Variants in GALNT1 observed in about 807,000 individuals in gnomAD.
The protein encoded by GALNT1 is polypeptide N-acetylgalactosaminyltransferase 1.
A neutral mutation model predicts 65.7 loss-of-function variants in GALNT1; 17 were observed. The observed-to-expected ratio is 0.26, with a 90% CI of 0.18 to 0.39. The LOEUF is 0.39. Among genes scored for constraint, GALNT1 ranks in the 10% least tolerant of loss-of-function variants. The pLI, the probability that GALNT1 is intolerant of heterozygous loss-of-function variation, is 1.00. For synonymous variants in GALNT1, 210 were observed against 219.7 expected, an observed-to-expected ratio of 0.96 and a Z score of 0.39; for missense variants, 460 against 672.8, an observed-to-expected ratio of 0.68 and a Z score of 3.50.
rs1416528087 is a variant in GALNT1, at chr18:35,710,930, T to G, written c.*1160T>G. The G allele has an allele frequency of 6.6e-6, 1 of 152,600 alleles. No homozygotes were observed. The highest frequency in any genetic ancestry group is 2.4e-5 in the African/African-American group (1 of 41,456). The allele number at this position is 152,600 out of a possible 1,614,324, so 9.5% of individuals were successfully genotyped here. On this transcript the variant is annotated 3_prime_UTR_variant, in exon 12 of 12. Transcript: ENST00000269195. ...CTTCATTGTCAAATGCATATTTAGATTAGATTATTGAATTGTAATGTTTAT... is the reference window on the plus strand; with the variant it reads ...CTTCATTGTCAAATGCATATTTAGAGTAGATTATTGAATTGTAATGTTTAT...
intron 3 of GALNT1, among the ~76,000 whole-genome samples, chr18:35,676,597 G>T (rs1178520008): frequency 2.0e-5 from 3 of 152,130 alleles, no homozygotes; most frequent in Non-Finnish European, 4.4e-5. Context: ...ACTGACAGGC[G>T]ATTACAGTTG....
chr18:35,686,937 C>G, intron 5 of GALNT1, 79 bp from the exon 6 acceptor site: 1 of 1,335,322 alleles, frequency 7.5e-7, no homozygotes, highest in African/African-American at 1.5e-5. Context: ...AATAAAAACA[C>G]TTACTATACA....
intron 5 of GALNT1, 58 bp from the exon 6 acceptor site, chr18:35,686,958 A>G: frequency 6.7e-7 from 1 of 1,490,192 alleles, no homozygotes; most frequent in East Asian, 2.3e-5. Flanking sequence ...ATTGTTCTGT[A>G]GTTGGCATTA....
At chr18:35,583,021 A>G (rs2046340952) in intron 1 of GALNT1, among the ~76,000 whole-genome samples, 2 of 152,284 alleles carry the variant, frequency 1.3e-5, no homozygotes, top group Admixed American at 1.3e-4. Flanking sequence ...TTATACATAC[A>G]TTTGTTGTGT....
chr18:35,609,709 A>G (rs936153281), intron 1 of GALNT1, among the ~76,000 whole-genome samples: 3 of 152,204 alleles, frequency 2.0e-5, no homozygotes, highest in African/African-American at 7.2e-5. Context: ...CATTTGGGAG[A>G]AAACAGTGAC....
intron 1 of GALNT1, among the ~76,000 whole-genome samples, chr18:35,651,712 G>C (rs991884467): frequency 6.6e-6 from 1 of 152,268 alleles, no homozygotes; most frequent in Non-Finnish European, 1.5e-5. Flanking sequence ...TTAGTAAGTG[G>C]AGAATAAGGA....
chr18:35,687,187 GTAAT>G lies in GALNT1; in HGVS notation c.860+7_860+10del. 2 of 1,610,050 alleles carry G rather than the reference GTAAT, an allele frequency of 1.2e-6. No homozygotes were observed. The highest frequency in any genetic ancestry group is 1.7e-6 in the Non-Finnish European group (2 of 1,178,318). The stretch of plus-strand genomic sequence containing the variant: ...AAGGTGATCGGACTCTTCCTGTCAG[GTAAT>G]TAATTTGTCAGACATTTTGCCTAAA... On this transcript the variant is annotated splice_donor_variant and splice_donor_5th_base_variant and intron_variant, in intron 6 of 11. Transcript: ENST00000269195. LOFTEE classifies it high-confidence loss of function.
At chr18:35,615,313 T>C (rs1040348533) in intron 1 of GALNT1, among the ~76,000 whole-genome samples, 3 of 152,180 alleles carry the variant, frequency 2.0e-5, no homozygotes, top group African/African-American at 4.8e-5. Flanking sequence ...AGCTAATACA[T>C]GACAGAGCTA....
chr18:35,687,674 T>TA (rs889227818), intron 6 of GALNT1, among the ~76,000 whole-genome samples: 6 of 152,114 alleles, frequency 3.9e-5, no homozygotes, highest in African/African-American at 9.7e-5. Context: ...ACACAAAATA[T>TA]AAAAAAATTC....
At chr18:35,613,624 G>A (rs1179842598) in intron 1 of GALNT1, among the ~76,000 whole-genome samples, 1 of 152,152 alleles carries the variant, frequency 6.6e-6, no homozygotes, top group Admixed American at 6.6e-5. Context: ...GGATCAAGCA[G>A]TTGCTAAGTA....
intron 3 of GALNT1, among the ~76,000 whole-genome samples, chr18:35,676,517 A>G (rs3744988): frequency 0.065 from 9,956 of 152,260 alleles, 359 homozygotes; most frequent in South Asian, 0.077. Flanking sequence ...AGTTACTTCA[A>G]CAGCTTCAGA....
intron 1 of GALNT1, among the ~76,000 whole-genome samples, chr18:35,644,766 G>A (rs1042594577): frequency 2.0e-5 from 3 of 152,184 alleles, no homozygotes; most frequent in Non-Finnish European, 2.9e-5. Context: ...TGAGGCGGGC[G>A]TATCACTTCA....
chr18:35,703,720 A>T lies in GALNT1; in HGVS notation c.1533+77A>T, dbSNP rs148613857. 273 of 1,430,742 alleles carry T rather than the reference A, an allele frequency of 1.9e-4. No homozygotes were observed. The African/African-American group carries it at 3.7e-3, about 19-fold the overall frequency. The allele number at this position is 1,430,742 out of a possible 1,614,324, so 88.6% of individuals were successfully genotyped here. A position where few individuals can be genotyped will look rare whatever the true frequency, so the allele number is the denominator to read the frequency against. On this transcript the variant is annotated intron_variant, in intron 11 of 11. Transcript: ENST00000269195. Reference sequence around the variant, plus strand: ...ATTTATATACTTTATATCTAAAGGAATGAGTTCTTGTGGACCTTGAATATG... The same window carrying T: ...ATTTATATACTTTATATCTAAAGGATTGAGTTCTTGTGGACCTTGAATATG...
intron 1 of GALNT1, among the ~76,000 whole-genome samples, chr18:35,588,081 C>G (rs1026864194): frequency 6.6e-6 from 1 of 152,140 alleles, no homozygotes; most frequent in African/African-American, 2.4e-5. Context: ...CTGTGGGCCC[C>G]TGAATGAAAT....
At chr18:35,686,922 TAAA>T (rs139585121) in intron 5 of GALNT1, 91 bp from the exon 6 acceptor site, 13 of 1,251,552 alleles carry the variant, frequency 1.0e-5, no homozygotes, top group Middle Eastern at 2.2e-4. Context: ...AGGGAAAAAA[TAAA>T]AAATAAAAAC....
chr18:35,614,207 T>C (rs1484020550), intron 1 of GALNT1, among the ~76,000 whole-genome samples: 1 of 152,058 alleles, frequency 6.6e-6, no homozygotes, highest in Non-Finnish European at 1.5e-5. Flanking sequence ...TCAAAAATAA[T>C]TAGGCAAGTT....
chr18:35,630,380 G>C (rs934946362), intron 1 of GALNT1, among the ~76,000 whole-genome samples: 24 of 152,118 alleles, frequency 1.6e-4, no homozygotes, highest in Non-Finnish European at 1.5e-5. Context: ...AACCAAACTA[G>C]AACTCAGGAT....
rs1435271015 is a variant in GALNT1, at chr18:35,710,931, T to G, written c.*1161T>G. On this transcript the variant is annotated 3_prime_UTR_variant, in exon 12 of 12. Transcript: ENST00000269195. ...TTCATTGTCAAATGCATATTTAGAT[T>G]AGATTATTGAATTGTAATGTTTATC... The G allele has an allele frequency of 1.3e-5, 2 of 152,664 alleles. No homozygotes were observed. The highest frequency in any genetic ancestry group is 4.8e-5 in the African/African-American group (2 of 41,466). 9.5% of individuals were successfully genotyped at this position (152,664 alleles called of 1,614,324 possible). A position where few individuals can be genotyped will look rare whatever the true frequency, so the allele number is the denominator to read the frequency against.
intron 1 of GALNT1, among the ~76,000 whole-genome samples, chr18:35,586,535 T>A (rs1265450872): frequency 6.7e-6 from 1 of 149,874 alleles, no homozygotes; most frequent in Non-Finnish European, 1.5e-5. Context: ...TTTTCCCTTG[T>A]GCTTTTTTTC....
Sources: gnomAD v4.1 joint callset for allele counts (sites outside exome capture counted in the v4.1 genomes callset) on GRCh38, gnomAD v4.1.1 for gene constraint, MANE v1.5 for transcripts, NCBI Gene and HGNC (gene_info 2026-07-23, HGNC 2026-07-21) for gene names.